The following CDK5RAP2 variants were observed in gnomAD, a reference collection of about 807,000 sequenced individuals.
CDK5RAP2 encodes CDK5 regulatory subunit associated protein 2.
CDK5RAP2 carries 147 observed loss-of-function variants against 232.9 expected under a neutral mutation model. The observed-to-expected ratio is 0.63, with a 90% CI of 0.55 to 0.72. The LOEUF (loss-of-function observed/expected upper bound fraction) is 0.72, where lower values mean the gene tolerates loss of function less well. CDK5RAP2 is among the 30% of genes least tolerant of loss of function. The pLI, the probability that CDK5RAP2 is intolerant of heterozygous loss-of-function variation, is 0.00. For missense variants in CDK5RAP2, 2,195 were observed against 2,231.5 expected, an observed-to-expected ratio of 0.98 and a Z score of 0.33; for synonymous variants, 833 against 833.7, an observed-to-expected ratio of 1.00 and a Z score of 0.01.
intron 12 of CDK5RAP2, among the ~76,000 whole-genome samples, chr9:120,506,635 T>G (rs193142445): frequency 6.6e-6 from 1 of 152,210 alleles, no homozygotes; most frequent in African/African-American, 2.4e-5. Flanking sequence ...TTGGAAGAAT[T>G]TGATTCCAAC....
chr9:120,549,434 C>T (rs1427545777), intron 4 of CDK5RAP2, among the ~76,000 whole-genome samples: 3 of 152,158 alleles, frequency 2.0e-5, no homozygotes, highest in African/African-American at 7.2e-5. Flanking sequence ...AAAACTTACA[C>T]TGAAGAAAGG....
At chr9:120,474,868 T>A (rs2037917734) in intron 15 of CDK5RAP2, among the ~76,000 whole-genome samples, 1 of 152,228 alleles carries the variant, frequency 6.6e-6, no homozygotes, top group Non-Finnish European at 1.5e-5. Context: ...TGAACAGTGC[T>A]GGAGTTACAG....
intron 20 of CDK5RAP2, 109 bp downstream of exon 20, chr9:120,458,341 G>A (rs1378179945): frequency 1.9e-6 from 2 of 1,034,402 alleles, no homozygotes; most frequent in Non-Finnish European, 3.0e-6. Context: ...CATTTCAGGA[G>A]CTCTCTCAGG....
intron 10 of CDK5RAP2, 128 bp from the exon 11 acceptor site, chr9:120,525,206 G>A (rs2040846670): frequency 1.3e-6 from 1 of 763,488 alleles, no homozygotes; most frequent in Non-Finnish European, 2.2e-6. Flanking sequence ...AGAGATTCGA[G>A]TGGGATTTCC....
intron 12 of CDK5RAP2, among the ~76,000 whole-genome samples, chr9:120,501,008 G>C (rs563054320): frequency 6.6e-6 from 1 of 152,288 alleles, no homozygotes; most frequent in Non-Finnish European, 1.5e-5. Context: ...ATTAATAATA[G>C]ATGCTACTGT....
chr9:120,456,931 C>A (rs900249576), intron 20 of CDK5RAP2, among the ~76,000 whole-genome samples: 1 of 152,180 alleles, frequency 6.6e-6, no homozygotes, highest in African/African-American at 2.4e-5. Context: ...ATTAAGCTAT[C>A]ACTATAAGCA....
chr9:120,424,536 A>T (rs1405136710), intron 25 of CDK5RAP2, among the ~76,000 whole-genome samples: 1 of 152,088 alleles, frequency 6.6e-6, no homozygotes, highest in Non-Finnish European at 1.5e-5. Flanking sequence ...TTCATCTCAT[A>T]CCTGCACTGG....
chr9:120,565,539 G>A (rs1403896780), intron 3 of CDK5RAP2, among the ~76,000 whole-genome samples: 1 of 152,152 alleles, frequency 6.6e-6, no homozygotes, highest in African/African-American at 2.4e-5. Context: ...TGCAGGAGCT[G>A]GCCCCTGCCT....
At chr9:120,436,281 T>C (rs2035572852) in intron 25 of CDK5RAP2, among the ~76,000 whole-genome samples, 2 of 152,168 alleles carry the variant, frequency 1.3e-5, no homozygotes, top group African/African-American at 4.8e-5. Context: ...AAAGAACAGA[T>C]AATCCCAAAG....
intron 25 of CDK5RAP2, among the ~76,000 whole-genome samples, chr9:120,427,276 T>C (rs773821211): frequency 3.9e-5 from 6 of 152,138 alleles, no homozygotes; most frequent in Non-Finnish European, 1.5e-5. Flanking sequence ...AACAAAAAAA[T>C]CCATAATGTT....
chr9:120,507,270 A>T (rs183528107), intron 12 of CDK5RAP2, among the ~76,000 whole-genome samples: 14 of 152,342 alleles, frequency 9.2e-5, no homozygotes, highest in South Asian at 4.1e-4. Flanking sequence ...AAAACCAAAA[A>T]ATTCGTAAGA....
chr9:120,437,209 C>A, intron 25 of CDK5RAP2, 86 bp downstream of exon 25: 4 of 933,624 alleles, frequency 4.3e-6, no homozygotes, highest in Non-Finnish European at 6.9e-6. Context: ...TAACTAAGGC[C>A]AAGGAGTTAG....
chr9:120,408,580 A>G (rs2033641606), intron 30 of CDK5RAP2, 112 bp from the exon 31 acceptor site: 10 of 1,135,460 alleles, frequency 8.8e-6, no homozygotes, highest in Non-Finnish European at 1.3e-5. Context: ...GTGTGGACCA[A>G]GAAGTGACAA....
chr9:120,413,479 T>C (rs1382690236), intron 28 of CDK5RAP2, among the ~76,000 whole-genome samples: 1 of 152,242 alleles, frequency 6.6e-6, no homozygotes, highest in Non-Finnish European at 1.5e-5. Flanking sequence ...TTTCAGACAT[T>C]GTGACAACAT....
chr9:120,481,337 T>C (rs1008242772), intron 14 of CDK5RAP2, among the ~76,000 whole-genome samples: 1 of 152,264 alleles, frequency 6.6e-6, no homozygotes, highest in African/African-American at 2.4e-5. Context: ...GTCAGCCACA[T>C]AAAGGTCAGC....
At chr9:120,494,152 A>T (rs1193473205) in intron 12 of CDK5RAP2, among the ~76,000 whole-genome samples, 1 of 151,502 alleles carries the variant, frequency 6.6e-6, no homozygotes, top group Non-Finnish European at 1.5e-5. Context: ...GTCTGAATTC[A>T]TGATCACACA....
At chr9:120,419,495 A>G (rs1176305166) in intron 27 of CDK5RAP2, among the ~76,000 whole-genome samples, 2 of 152,220 alleles carry the variant, frequency 1.3e-5, no homozygotes, top group Non-Finnish European at 2.9e-5. Flanking sequence ...AATTAACCAA[A>G]TCTGCACTGA....
At position 120,439,605 on chromosome 9, in the gene CDK5RAP2, T is replaced by C. The variant is rs2035781580; in HGVS notation, c.3516A>G (p.Ser1172=). The C allele has an allele frequency of 4.3e-6, 7 of 1,614,190 alleles. No individual in the cohort carries two copies. In the East Asian group the frequency reaches 1.3e-4, roughly 31 times the overall value. Residue 1172 remains serine, a synonymous_variant, in exon 24 of 38, where the codon TCA becomes TCG. Transcript: ENST00000349780. Reference sequence around the variant, plus strand: ...TCACGTATCGCACTTGGTGCAAACTTGAAAAGGTCATTTCTTCCCCATCAG... The same window carrying C: ...TCACGTATCGCACTTGGTGCAAACTCGAAAAGGTCATTTCTTCCCCATCAG... ...NGSDGEEMTF[S]SLHQVRYVKH...
At chr9:120,405,520 T>C (rs1161962479) in intron 32 of CDK5RAP2, among the ~76,000 whole-genome samples, 1 of 152,168 alleles carries the variant, frequency 6.6e-6, no homozygotes, top group Non-Finnish European at 1.5e-5. Context: ...ACCCCACAAG[T>C]TCCTGAATCC....
Sources: gnomAD v4.1 joint callset for allele counts (sites outside exome capture counted in the v4.1 genomes callset) on GRCh38, gnomAD v4.1.1 for gene constraint, MANE v1.5 for transcripts, NCBI Gene and HGNC (gene_info 2026-07-23, HGNC 2026-07-21) for gene names.